The following DAB1 variants were observed in gnomAD, a reference collection of about 807,000 sequenced individuals.
The protein encoded by DAB1 is disabled homolog 1.
In DAB1, 15 loss-of-function variants were observed where a neutral mutation model predicts 64.6. That is an observed-to-expected ratio of 0.23 (90% CI 0.16 to 0.36). The LOEUF is 0.36. DAB1 is among the 10% of genes least tolerant of loss of function. DAB1 has a pLI of 1.00. For missense variants in DAB1, 596 were observed against 706.7 expected, an observed-to-expected ratio of 0.84 and a Z score of 1.78; for synonymous variants, 235 against 251.9, an observed-to-expected ratio of 0.93 and a Z score of 0.64.
At chr1:58,428,540 T>C (rs1644841261) in intron 3 of DAB1, among the ~76,000 whole-genome samples, 2 of 152,238 alleles carry the variant, frequency 1.3e-5, no homozygotes, top group Admixed American at 1.3e-4. Flanking sequence ...TGGATCCCAA[T>C]TCAAACCATA....
chr1:58,388,490 C>T (rs1644451688), intron 3 of DAB1, among the ~76,000 whole-genome samples: 1 of 152,196 alleles, frequency 6.6e-6, no homozygotes, highest in African/African-American at 2.4e-5. Flanking sequence ...AGAAATAAGA[C>T]AGCCAGCCTA....
chr1:58,205,424 G>A (rs1308239437), intron 4 of DAB1, among the ~76,000 whole-genome samples: 1 of 152,182 alleles, frequency 6.6e-6, no homozygotes, highest in Non-Finnish European at 1.5e-5. Flanking sequence ...CTGCAAGAAT[G>A]TGTGATTTTC....
At chr1:57,970,573 T>G (rs1191961214) in intron 5 of DAB1, among the ~76,000 whole-genome samples, 1 of 152,180 alleles carries the variant, frequency 6.6e-6, no homozygotes, top group African/African-American at 2.4e-5. Flanking sequence ...GGAGATAATT[T>G]CAGCTAAAAT....
chr1:57,916,497 G>A (rs1644728740), intron 5 of DAB1, among the ~76,000 whole-genome samples: 1 of 152,178 alleles, frequency 6.6e-6, no homozygotes, highest in Non-Finnish European at 1.5e-5. Flanking sequence ...TGTGTATTAA[G>A]AACAGCCAAC....
At chr1:58,447,793 T>C (rs1645085904) in intron 3 of DAB1, among the ~76,000 whole-genome samples, 1 of 151,240 alleles carries the variant, frequency 6.6e-6, no homozygotes, top group Non-Finnish European at 1.5e-5. Flanking sequence ...ATAGGTATTC[T>C]AATGCCGTAT....
At position 57,570,499 on chromosome 1, in the gene DAB1, T is replaced by C. The variant is rs2793638; in HGVS notation, n.625+79093A>G. Among the ~76,000 whole-genome samples the C allele has an allele frequency of 2.7e-3, 416 of 152,282 alleles. 3 individuals carry two copies. The highest frequency in any genetic ancestry group is 9.6e-3 in the African/African-American group (398 of 41,562). On this transcript the variant is annotated intron_variant and non_coding_transcript_variant, in intron 7 of 20. Transcript: ENST00000485760. ...TTAGTTGACTGTAAGTATTTGGCTT[T>C]ATTCTGGGTTCTCTTTCTGTTCCAT... is the stretch of plus-strand genomic sequence containing the variant.
chr1:57,583,389 C>G (rs1038760164), intron 7 of DAB1, among the ~76,000 whole-genome samples: 1 of 151,166 alleles, frequency 6.6e-6, no homozygotes, highest in Non-Finnish European at 1.5e-5. Context: ...CAGGTTCAAG[C>G]AATTCTCCTG....
rs191942293 is a variant in DAB1 at position 57,296,812 on chromosome 1, A to T, written c.-136-5646T>A. On this transcript the variant is annotated intron_variant, in intron 1 of 14. Transcript: ENST00000371236. ...AGGGAGTGCTGGAGTTATCAAATCA[A>T]CATTTTGCAGCCATCAGAGTAAAGA... 7.9e-4 allele frequency among the ~76,000 whole-genome samples: 120 copies of T among 152,304 alleles called. 2 individuals are homozygous for T. The highest frequency in any genetic ancestry group is 2.8e-3 in the African/African-American group (115 of 41,566).
chr1:57,093,166 T>C (rs973384158), intron 4 of DAB1, among the ~76,000 whole-genome samples: 2 of 152,174 alleles, frequency 1.3e-5, no homozygotes, highest in Non-Finnish European at 2.9e-5. Context: ...ACACTGGACC[T>C]GGGTTCTGGT....
intron 3 of DAB1, among the ~76,000 whole-genome samples, chr1:58,350,832 C>T (rs1464737346): frequency 1.3e-5 from 2 of 152,116 alleles, no homozygotes; most frequent in Non-Finnish European, 2.9e-5. Context: ...GTTTTGGTAC[C>T]AGTACCATGC....
chr1:57,234,756 T>A (rs978764574), intron 2 of DAB1, among the ~76,000 whole-genome samples: 1 of 152,194 alleles, frequency 6.6e-6, no homozygotes, highest in Non-Finnish European at 1.5e-5. Context: ...AAAGAACCCA[T>A]TTTTAAGTTC....
intron 5 of DAB1, among the ~76,000 whole-genome samples, chr1:57,965,969 A>G (rs1029884170): frequency 2.0e-5 from 3 of 152,116 alleles, no homozygotes; most frequent in Non-Finnish European, 4.4e-5. Flanking sequence ...ATAAATTCTT[A>G]TACTAACTTG....
intron 5 of DAB1, among the ~76,000 whole-genome samples, chr1:58,134,946 A>T (rs1490239059): frequency 2.6e-5 from 4 of 152,180 alleles, no homozygotes; most frequent in Non-Finnish European, 4.4e-5. Flanking sequence ...AGGAGACAGC[A>T]CCTGGTCTGT....
chr1:57,104,527 T>C (rs1654966744), intron 4 of DAB1, among the ~76,000 whole-genome samples: 1 of 152,206 alleles, frequency 6.6e-6, no homozygotes. Flanking sequence ...TCATGACCTG[T>C]TATTTTAATC....
At chr1:57,818,599 T>C (rs1445375095) in intron 6 of DAB1, among the ~76,000 whole-genome samples, 1 of 152,064 alleles carries the variant, frequency 6.6e-6, no homozygotes, top group East Asian at 1.9e-4. Flanking sequence ...ATACATTCTC[T>C]TATTTAATGC....
At chr1:57,400,638 G>T (rs1395209381) in intron 1 of DAB1, among the ~76,000 whole-genome samples, 1 of 151,328 alleles carries the variant, frequency 6.6e-6, no homozygotes, top group Non-Finnish European at 1.5e-5. Context: ...TTCCACGGAG[G>T]TCTCTCAAGT....
At chr1:57,118,967 G>C (rs978359793) in intron 4 of DAB1, among the ~76,000 whole-genome samples, 1 of 152,182 alleles carries the variant, frequency 6.6e-6, no homozygotes. Context: ...AAGCCCGTAA[G>C]TGACAGTGTC....
intron 7 of DAB1, among the ~76,000 whole-genome samples, chr1:57,436,712 G>A (rs1330470208): frequency 6.6e-6 from 1 of 152,196 alleles, no homozygotes; most frequent in Non-Finnish European, 1.5e-5. Context: ...TTGATGAAGT[G>A]GATGCCACCA....
At chr1:57,335,091 T>C (rs1036726522) in intron 1 of DAB1, among the ~76,000 whole-genome samples, 1 of 152,190 alleles carries the variant, frequency 6.6e-6, no homozygotes, top group Non-Finnish European at 1.5e-5. Context: ...ACATTCTAAT[T>C]GTTCTTCTAA....
Sources: gnomAD v4.1 joint callset for allele counts (sites outside exome capture counted in the v4.1 genomes callset) on GRCh38, gnomAD v4.1.1 for gene constraint, MANE v1.5 for transcripts, NCBI Gene and HGNC (gene_info 2026-07-23, HGNC 2026-07-21) for gene names.